Variants in CACNA1E observed in about 807,000 individuals in gnomAD.
The protein encoded by CACNA1E is voltage-dependent R-type calcium channel subunit alpha-1E.
CACNA1E carries 40 observed loss-of-function variants against 259.2 expected under a neutral mutation model. The ratio of observed to expected loss-of-function variants is 0.15; its 90% CI spans 0.12 to 0.20. The LOEUF (loss-of-function observed/expected upper bound fraction) is 0.20, where lower values mean the gene tolerates loss of function less well. Ranked by LOEUF, CACNA1E falls within the 10% of genes least tolerant of loss-of-function variation. The pLI is 1.00. For missense variants in CACNA1E, 1,874 were observed against 3,040.1 expected (o/e 0.62, Z 9.02); for synonymous variants, 1,104 against 1,138.5 (o/e 0.97, Z 0.61).
In CACNA1E at chr1:181,485,285, G is replaced by A. The variant is rs1663704438; in HGVS notation, c.266+1275G>A. On this transcript the variant is annotated intron_variant, in intron 1 of 47. Transcript: ENST00000367573. The surrounding 1 kb of genome is among the most constrained non-coding windows in gnomAD (Gnocchi z 4.2). ...TGGGTCTCTAGTATTAGCCAGACAC[G>A]CGGCTCATTTCCCCCAGGGCCTGGG... 6.6e-6 allele frequency among the ~76,000 whole-genome samples: 1 copy of A among 152,122 alleles called. No homozygotes were observed. The highest frequency in any genetic ancestry group is 2.1e-4 in the South Asian group (1 of 4,826).
At chr1:181,501,630 T>G (rs1244960593) in intron 1 of CACNA1E, among the ~76,000 whole-genome samples, 1 of 152,212 alleles carries the variant, frequency 6.6e-6, no homozygotes, top group African/African-American at 2.4e-5. Context: ...CTTTGTTATG[T>G]TCTCAATATT....
At chr1:181,573,013 C>T (rs1467492567) in intron 3 of CACNA1E, among the ~76,000 whole-genome samples, 2 of 152,172 alleles carry the variant, frequency 1.3e-5, no homozygotes, top group African/African-American at 4.8e-5. Context: ...ACTGGGCAAA[C>T]ATTACACAGC....
intron 1 of CACNA1E, among the ~76,000 whole-genome samples, chr1:181,492,798 C>T (rs764879042): frequency 3.3e-5 from 5 of 152,178 alleles, no homozygotes; most frequent in Non-Finnish European, 1.5e-5. Context: ...GCTTATTTTC[C>T]TGCTCTTTTT....
intron 6 of CACNA1E, among the ~76,000 whole-genome samples, chr1:181,625,003 A>T (rs1345998959): frequency 6.6e-6 from 1 of 151,316 alleles, no homozygotes; most frequent in Non-Finnish European, 1.5e-5. Flanking sequence ...TGTTCATGAG[A>T]GCTCTTGGAT....
intron 1 of CACNA1E, among the ~76,000 whole-genome samples, chr1:181,357,967 C>T (rs995452810): frequency 6.6e-6 from 1 of 152,124 alleles, no homozygotes; most frequent in Non-Finnish European, 1.5e-5. Flanking sequence ...TGACATTTGC[C>T]ATGAAAAGGA....
chr1:181,636,753 C>G, intron 6 of CACNA1E, among the ~76,000 whole-genome samples: 1 of 152,198 alleles, frequency 6.6e-6, no homozygotes, highest in Non-Finnish European at 1.5e-5. Context: ...TTTACAGTCT[C>G]TGGTTGACAC....
intron 1 of CACNA1E, among the ~76,000 whole-genome samples, chr1:181,377,721 C>T (rs984902625): frequency 1.3e-5 from 2 of 152,164 alleles, no homozygotes; most frequent in African/African-American, 2.4e-5. Flanking sequence ...ATCATTTAAT[C>T]TTCACAATAA....
chr1:181,556,998 C>T (rs1270588265), intron 3 of CACNA1E, among the ~76,000 whole-genome samples: 1 of 152,082 alleles, frequency 6.6e-6, no homozygotes, highest in Non-Finnish European at 1.5e-5. Flanking sequence ...GAACATCGTG[C>T]AGTGTGGGAA....
At chr1:181,388,601 A>G (rs889830120) in intron 1 of CACNA1E, among the ~76,000 whole-genome samples, 7 of 152,204 alleles carry the variant, frequency 4.6e-5, no homozygotes, top group African/African-American at 9.6e-5. Flanking sequence ...AAAATATGGT[A>G]TTATAAGCCG....
At chr1:181,357,268 T>G (rs1455104909) in intron 1 of CACNA1E, among the ~76,000 whole-genome samples, 2 of 152,208 alleles carry the variant, frequency 1.3e-5, no homozygotes, top group African/African-American at 4.8e-5. Context: ...CCCACTCCTG[T>G]TCTCAGCTCA....
At position 181,446,833 on chromosome 1, in the gene CACNA1E, A is replaced by C. The variant is rs74380295; in HGVS notation, c.434+33253A>C. 7.0e-3 allele frequency among the ~76,000 whole-genome samples: 1,070 copies of C among 152,164 alleles called. 14 individuals are homozygous for C. The highest frequency in any genetic ancestry group is 0.022 in the African/African-American group (904 of 41,524). Reference sequence around the variant, plus strand: ...GTGGGGCTGTGGCACCTACTAGATCACTGTGTTATTTCCAGATCCTGTGTT... The same window carrying C: ...GTGGGGCTGTGGCACCTACTAGATCCCTGTGTTATTTCCAGATCCTGTGTT... On this transcript the variant is annotated intron_variant, in intron 2 of 11. Coordinates refer to the CACNA1E transcript ENST00000524607.
At chr1:181,351,060 A>G (rs1653006688) in intron 1 of CACNA1E, among the ~76,000 whole-genome samples, 1 of 152,228 alleles carries the variant, frequency 6.6e-6, no homozygotes, top group Non-Finnish European at 1.5e-5. Flanking sequence ...CTGGGTTAGG[A>G]AAAGACCCTT....
chr1:181,577,683 C>T, intron 3 of CACNA1E, 83 bp from the exon 4 acceptor site: 1 of 858,948 alleles, frequency 1.2e-6, no homozygotes, highest in Non-Finnish European at 1.9e-6. Context: ...CCAGGCTGAG[C>T]TTGCCTCAGC....
intron 1 of CACNA1E, among the ~76,000 whole-genome samples, chr1:181,391,836 T>C (rs1052051978): frequency 2.6e-5 from 4 of 152,172 alleles, no homozygotes; most frequent in Non-Finnish European, 5.9e-5. Context: ...TGGATTTGTC[T>C]GTCAGAAAGT....
intron 6 of CACNA1E, among the ~76,000 whole-genome samples, chr1:181,591,487 G>T (rs1025795483): frequency 2.6e-5 from 4 of 152,008 alleles, no homozygotes; most frequent in African/African-American, 9.7e-5. Flanking sequence ...TATAACCCTG[G>T]TTTCAAATTT....
Position 181,635,928 on chromosome 1 carries a change from CA to C in CACNA1E, c.952-15406del, listed in dbSNP as rs369620991. ...CCCTCTAAGAGTTCACAGATCTGTA[CA>C]AAAGACACAGTAAATAAGTAATTAT... On this transcript the variant is annotated intron_variant, in intron 6 of 47. Coordinates refer to ENST00000367573, the MANE Select transcript of CACNA1E (RefSeq NM_001205293.3). Among the ~76,000 whole-genome samples, 110 of 152,146 alleles carry C rather than the reference CA, an allele frequency of 7.2e-4. No individual in the cohort carries two copies. The East Asian group carries it at 0.019, about 26-fold the overall frequency.
chr1:181,746,599 C>T (rs1292864107), intron 25 of CACNA1E, among the ~76,000 whole-genome samples: 1 of 152,196 alleles, frequency 6.6e-6, no homozygotes, highest in Non-Finnish European at 1.5e-5. Flanking sequence ...TACCTGGTGA[C>T]AGACAAGACC....
At chr1:181,576,123 G>A (rs1404312277) in intron 3 of CACNA1E, among the ~76,000 whole-genome samples, 1 of 152,198 alleles carries the variant, frequency 6.6e-6, no homozygotes, top group Non-Finnish European at 1.5e-5. Flanking sequence ...TGACTCAGGA[G>A]AGATGGGGAA....
In CACNA1E at chr1:181,762,745, C is replaced by G. The variant is rs1360313192; in HGVS notation, c.4689+88C>G. The G allele has an allele frequency of 7.7e-6, 6 of 778,674 alleles. No individual in the cohort carries two copies. In the African/African-American group the frequency reaches 1.1e-4, roughly 14 times the overall value. 48.2% of individuals were successfully genotyped at this position (778,674 alleles called of 1,614,324 possible). A position where few individuals can be genotyped will look rare whatever the true frequency, so the allele number is the denominator to read the frequency against. On this transcript the variant is annotated intron_variant, in intron 33 of 47. Coordinates refer to ENST00000367573, the MANE Select transcript of CACNA1E (RefSeq NM_001205293.3). ...TCTGTATATTCAGTCCATTTTTAAC[C>G]CACCAAAGCAAATGCGTACCCCTCT...
Sources: gnomAD v4.1 joint callset for allele counts (sites outside exome capture counted in the v4.1 genomes callset) on GRCh38, gnomAD v4.1.1 for gene constraint, Gnocchi (gnomAD v3.1) non-coding constraint, MANE v1.5 for transcripts, NCBI Gene and HGNC (gene_info 2026-07-23, HGNC 2026-07-21) for gene names.